ARHGEF11: variants seen among roughly 807,000 people sequenced by gnomAD.
ARHGEF11 encodes Rho guanine nucleotide exchange factor 11, also known as Rho guanine exchange factor (GEF) 11.
Under a neutral mutation model 193.7 loss-of-function variants are expected in ARHGEF11, and 55 were observed. The ratio of observed to expected loss-of-function variants is 0.28; its 90% CI spans 0.23 to 0.36. The LOEUF is 0.36. Among genes scored for constraint, ARHGEF11 ranks in the 10% least tolerant of loss-of-function variants. The probability of loss-of-function intolerance (pLI) is 1.00; values close to 1 mark genes in which losing one functional copy is unlikely to be tolerated. For missense variants in ARHGEF11, 1,723 were observed against 2,005.6 expected, an observed-to-expected ratio of 0.86 and a Z score of 2.69; for synonymous variants, 693 against 768.0, an observed-to-expected ratio of 0.90 and a Z score of 1.62.
At chr1:156,961,569 C>T in intron 14 of ARHGEF11, 108 bp downstream of exon 14, 1 of 938,606 alleles carries the variant, frequency 1.1e-6, no homozygotes, top group Non-Finnish European at 1.7e-6. Context: ...CTAGATTTCT[C>T]TTTAAGAACC....
Position 156,946,605 on chromosome 1 carries a change from G to T in ARHGEF11, c.2694+57C>A, listed in dbSNP as rs1220338260. 1.9e-6 allele frequency: 3 copies of T among 1,610,780 alleles called. No homozygotes were observed. In the African/African-American group the frequency reaches 4.0e-5, roughly 22 times the overall value. On this transcript the variant is annotated intron_variant, in intron 28 of 40. Transcript: ENST00000368194. The stretch of plus-strand genomic sequence containing the variant: ...TGGCCAGAAGGAGAGAAGTTCAGGA[G>T]ATCCTTGGTGACCTTGATGGAGATG...
At chr1:157,020,945 C>A (rs1240246223) in intron 1 of ARHGEF11, among the ~76,000 whole-genome samples, 2 of 152,200 alleles carry the variant, frequency 1.3e-5, no homozygotes, top group Non-Finnish European at 2.9e-5. Flanking sequence ...AAATGTCTGT[C>A]CATGTGCTCC....
At chr1:157,022,879 G>C (rs1023371038) in intron 1 of ARHGEF11, among the ~76,000 whole-genome samples, 12 of 152,154 alleles carry the variant, frequency 7.9e-5, no homozygotes, top group Non-Finnish European at 1.3e-4. Flanking sequence ...TTTTAACAAA[G>C]GTGCCAAGAC....
rs555239026 is a variant in ARHGEF11, at chr1:157,032,215, C to T, written c.32+12084G>A. ...TAAGCAAGGTTTCCCAGATGGGGAG[C>T]TTACGTTAAGCTTACAAAGTGACCA... is the stretch of plus-strand genomic sequence containing the variant. On this transcript the variant is annotated intron_variant, in intron 1 of 40. Transcript: ENST00000368194. 2.6e-4 allele frequency among the ~76,000 whole-genome samples: 39 copies of T among 152,282 alleles called. No homozygotes were observed. In the South Asian group the frequency reaches 8.1e-3, roughly 32 times the overall value.
At chr1:156,962,878 CAAAAAAAAA>C (rs59159449) in intron 13 of ARHGEF11, among the ~76,000 whole-genome samples, 3 of 21,272 alleles carry the variant, frequency 1.4e-4, no homozygotes, top group Admixed American at 6.5e-4. Flanking sequence ...GACTCCGTCT[CAAAAAAAAA>C]AAAAAAAAAA....
chr1:157,008,267 A>G (rs574634874), intron 1 of ARHGEF11, among the ~76,000 whole-genome samples: 12 of 152,242 alleles, frequency 7.9e-5, no homozygotes, highest in Non-Finnish European at 1.6e-4. Context: ...CCTATGTTGA[A>G]GCTCTACCCT....
intron 22 of ARHGEF11, among the ~76,000 whole-genome samples, chr1:156,950,824 G>A (rs1658980920): frequency 1.3e-5 from 2 of 152,118 alleles, no homozygotes; most frequent in Admixed American, 1.3e-4. Flanking sequence ...TACTCTACCT[G>A]TTTAAGTCAC....
At position 156,947,019 on chromosome 1, in the gene ARHGEF11, G is replaced by C. The variant is rs370445690; in HGVS notation, c.2489-4C>G. ...TTCATGGCTTCACACCAGGAATCTG[G>C]GGCAGGAAGAGAACAAATAGAAATG... On this transcript the variant is annotated splice_region_variant and splice_polypyrimidine_tract_variant and intron_variant, in intron 26 of 40. Coordinates refer to ENST00000368194, the MANE Select transcript of ARHGEF11 (RefSeq NM_198236.3). 3.1e-6 allele frequency: 5 copies of C among 1,614,166 alleles called. No individual in the cohort carries two copies. Among genetic ancestry groups the C allele is most frequent in the Non-Finnish European group, 4.2e-6 (5 of 1,180,020 alleles).
Position 156,963,454 on chromosome 1 carries a change from T to TTC in ARHGEF11, c.1038+64_1038+65dup. On this transcript the variant is annotated intron_variant, in intron 12 of 40. Coordinates refer to ENST00000368194, the MANE Select transcript of ARHGEF11 (RefSeq NM_198236.3). Reference sequence around the variant, plus strand: ...TCACAGCTGATGCTAGTCAAACTGCTTCTAGTCAAGAGCAGCTTGTATGAC... The same window carrying TTC: ...TCACAGCTGATGCTAGTCAAACTGCTTCTCTAGTCAAGAGCAGCTTGTATGAC... 1.9e-6 allele frequency: 3 copies of TTC among 1,566,190 alleles called. 1 individual carries two copies. The South Asian group carries it at 3.3e-5, about 17-fold the overall frequency.
In ARHGEF11 at chr1:156,945,150, G is replaced by T. The variant is rs750348832; in HGVS notation, c.2860C>A (p.Arg954=). 1 of 1,614,118 alleles carries T rather than the reference G, an allele frequency of 6.2e-7. No homozygotes were observed. The highest frequency in any genetic ancestry group is 1.1e-5 in the South Asian group (1 of 91,076). The change falls in exon 30 of 41, where the codon CGG becomes AGG. Residue 954 remains arginine (R), a synonymous_variant. Transcript: ENST00000368194. ...TCATTCACATACTTGAGAATCTCCCGGCACTGGTCCCGGGCCCGGCACAGC... is the reference window on the plus strand; with the variant it reads ...TCATTCACATACTTGAGAATCTCCCTGCACTGGTCCCGGGCCCGGCACAGC... ...EKLCRARDQC[R]EILKYVNEAV...
At chr1:157,032,742 C>T (rs1671455319) in intron 1 of ARHGEF11, among the ~76,000 whole-genome samples, 1 of 152,198 alleles carries the variant, frequency 6.6e-6, no homozygotes, top group Non-Finnish European at 1.5e-5. Flanking sequence ...TGGCTCCTTC[C>T]CTTGCTACTG....
In ARHGEF11 at chr1:157,045,727, G is replaced by A. The variant is rs1382565728; in HGVS notation, c.-1397C>T. Among the ~76,000 whole-genome samples the A allele has an allele frequency of 2.7e-5, 4 of 149,822 alleles. No individual in the cohort carries two copies. Among genetic ancestry groups the A allele is most frequent in the African/African-American group, 9.7e-5 (4 of 41,208 alleles). On this transcript the variant is annotated 5_prime_UTR_variant, in exon 1 of 41. Coordinates refer to ENST00000368194, the MANE Select transcript of ARHGEF11 (RefSeq NM_198236.3). ...TGCGGCGGCTGCGGCAGGCCGGCACGAGCGGGCGTCCGACTGCCGGCGTCG... is the reference window on the plus strand; with the variant it reads ...TGCGGCGGCTGCGGCAGGCCGGCACAAGCGGGCGTCCGACTGCCGGCGTCG...
chr1:156,955,028 G>T, intron 20 of ARHGEF11, 107 bp from the exon 21 acceptor site: 1 of 917,184 alleles, frequency 1.1e-6, no homozygotes, highest in Non-Finnish European at 1.7e-6. Flanking sequence ...AGGTAGTGGC[G>T]AAAATCAAGG....
At chr1:156,966,100 T>C (rs1423894902) in intron 11 of ARHGEF11, among the ~76,000 whole-genome samples, 1 of 152,142 alleles carries the variant, frequency 6.6e-6, no homozygotes, top group Non-Finnish European at 1.5e-5. Context: ...AACTCCAAGG[T>C]GAGAGGACAA....
At chr1:156,977,093 T>C (rs771352913) in intron 6 of ARHGEF11, 39 bp from the exon 7 acceptor site, 1 of 1,561,938 alleles carries the variant, frequency 6.4e-7, no homozygotes, top group Admixed American at 1.7e-5. Flanking sequence ...AGTTAGGGAC[T>C]AACTCAACAG....
intron 1 of ARHGEF11, among the ~76,000 whole-genome samples, chr1:157,031,171 G>C (rs1671265648): frequency 6.6e-6 from 1 of 152,096 alleles, no homozygotes; most frequent in South Asian, 2.1e-4. Flanking sequence ...CCGGAATGCT[G>C]CCTAACATTT....
At chr1:156,938,716 G>A in intron 37 of ARHGEF11, 1 of 517,074 alleles carries the variant, frequency 1.9e-6, no homozygotes, top group East Asian at 3.2e-5. Flanking sequence ...AGACAGAGAA[G>A]GAAGGTCAGT....
chr1:156,973,272 C>T (rs1442277924), intron 7 of ARHGEF11, among the ~76,000 whole-genome samples: 1 of 152,188 alleles, frequency 6.6e-6, no homozygotes, highest in Non-Finnish European at 1.5e-5. Flanking sequence ...TAGGGCCCTG[C>T]ACTTCTTTGT....
intron 35 of ARHGEF11, 75 bp downstream of exon 35, chr1:156,941,297 C>T: frequency 6.9e-7 from 1 of 1,440,132 alleles, no homozygotes. Context: ...TCCCATCGCC[C>T]CCATACTCAC....
Sources: gnomAD v4.1 joint callset for allele counts (sites outside exome capture counted in the v4.1 genomes callset) on GRCh38, gnomAD v4.1.1 for gene constraint, MANE v1.5 for transcripts, NCBI Gene and HGNC (gene_info 2026-07-23, HGNC 2026-07-21) for gene names.